Variants in NRXN3 observed in about 807,000 individuals in gnomAD.
NRXN3 encodes the protein neurexin III.
Under a neutral mutation model 137.6 loss-of-function variants are expected in NRXN3, and 32 were observed. The ratio of observed to expected loss-of-function variants is 0.23; its 90% CI spans 0.18 to 0.31. NRXN3 has a LOEUF of 0.31. Ranked by LOEUF, NRXN3 falls within the 10% of genes least tolerant of loss-of-function variation. The pLI is 1.00. For missense variants in NRXN3, 1,574 were observed against 2,062.5 expected, an observed-to-expected ratio of 0.76 and a Z score of 4.59; for synonymous variants, 798 against 784.5, an observed-to-expected ratio of 1.02 and a Z score of -0.29.
intron 10 of NRXN3, among the ~76,000 whole-genome samples, chr14:78,941,435 C>T (rs915998240): frequency 3.9e-5 from 6 of 152,178 alleles, no homozygotes; most frequent in African/African-American, 1.2e-4. Context: ...CACCCAGCCA[C>T]CCCCATTCTC....
At chr14:79,280,561 CT>C in intron 15 of NRXN3, 1 of 1,600,124 alleles carries the variant, frequency 6.2e-7, no homozygotes. Flanking sequence ...GCTCTTTATC[CT>C]TTTAATGGGG....
At chr14:78,590,198 G>A (rs1389877673) in intron 4 of NRXN3, among the ~76,000 whole-genome samples, 1 of 152,140 alleles carries the variant, frequency 6.6e-6, no homozygotes, top group Non-Finnish European at 1.5e-5. Context: ...TTCTCTACAA[G>A]GATTCATGCA....
chr14:78,762,247 A>G (rs1389575488), intron 8 of NRXN3, among the ~76,000 whole-genome samples: 1 of 152,114 alleles, frequency 6.6e-6, no homozygotes, highest in African/African-American at 2.4e-5. Flanking sequence ...AGCACATAAC[A>G]TACCTTTCTG....
At position 78,971,118 on chromosome 14, in the gene NRXN3, C is replaced by T. The variant is rs1049348162; in HGVS notation, c.3142+2772C>T. Among the ~76,000 whole-genome samples the T allele has an allele frequency of 3.3e-5, 5 of 151,980 alleles. No individual in the cohort carries two copies. In the East Asian group the frequency reaches 9.6e-4, roughly 29 times the overall value. ...CTGTGAATAAGCCCTTGCAAGAGAT[C>T]CCAGGAGCATTTTAGGGTTCTGTGT... is the stretch of plus-strand genomic sequence containing the variant. On this transcript the variant is annotated intron_variant, in intron 14 of 20. Transcript: ENST00000335750.
intron 15 of NRXN3, among the ~76,000 whole-genome samples, chr14:79,406,981 A>G (rs2095326121): frequency 6.6e-6 from 1 of 152,126 alleles, no homozygotes; most frequent in Non-Finnish European, 1.5e-5. Context: ...CTTTATTTTA[A>G]CAAAGGGACC....
chr14:78,269,416 A>G (rs1441062613), intron 2 of NRXN3, among the ~76,000 whole-genome samples: 1 of 152,196 alleles, frequency 6.6e-6, no homozygotes, highest in Non-Finnish European at 1.5e-5. Flanking sequence ...TTGAAAGTAC[A>G]TTGGTAGTTT....
In NRXN3 at chr14:78,609,691, A is replaced by G. The variant is rs141515609; in HGVS notation, c.758-35429A>G. Among the ~76,000 whole-genome samples, 902 of 152,332 alleles carry G rather than the reference A, an allele frequency of 5.9e-3. 11 individuals carry two copies. Among genetic ancestry groups the G allele is most frequent in the African/African-American group, 0.021 (860 of 41,564 alleles). On this transcript the variant is annotated intron_variant, in intron 4 of 20. Coordinates refer to ENST00000335750, the MANE Select transcript of NRXN3 (RefSeq NM_001330195.2). ...TCTTGTGAGAATTTAATCAGAAAGT[A>G]CATGTTAAATACTTTTTGGCACCTA...
intron 20 of NRXN3, chr14:79,854,026 C>T (rs1034334211): frequency 2.1e-5 from 21 of 984,002 alleles, no homozygotes; most frequent in Non-Finnish European, 2.4e-5. Flanking sequence ...TTGTTGCCTC[C>T]CTGTATCATC....
At chr14:79,033,794 C>T (rs2099611573) in intron 15 of NRXN3, among the ~76,000 whole-genome samples, 1 of 152,006 alleles carries the variant, frequency 6.6e-6, no homozygotes, top group African/African-American at 2.4e-5. Flanking sequence ...AGGATTATTT[C>T]AGGAGGTTGT....
chr14:79,214,230 C>G (rs1029049692), intron 15 of NRXN3, among the ~76,000 whole-genome samples: 4 of 152,218 alleles, frequency 2.6e-5, no homozygotes, highest in African/African-American at 7.2e-5. Flanking sequence ...GAGGACAATT[C>G]TGTGGTCACC....
intron 15 of NRXN3, among the ~76,000 whole-genome samples, chr14:79,136,729 A>G (rs941339280): frequency 6.6e-6 from 1 of 152,210 alleles, no homozygotes; most frequent in Non-Finnish European, 1.5e-5. Flanking sequence ...AGTCAATCTT[A>G]TGTTCCCCAG....
At chr14:79,723,049 C>T (rs945283407) in intron 19 of NRXN3, among the ~76,000 whole-genome samples, 2 of 152,062 alleles carry the variant, frequency 1.3e-5, no homozygotes, top group African/African-American at 4.8e-5. Context: ...CCACTCCATT[C>T]TATCATATTG....
chr14:79,523,412 A>G (rs1319147528), intron 16 of NRXN3, among the ~76,000 whole-genome samples: 1 of 152,154 alleles, frequency 6.6e-6, no homozygotes, highest in African/African-American at 2.4e-5. Flanking sequence ...TGTTTTGAAG[A>G]TGTTAATTGA....
chr14:79,751,262 A>C (rs1018432900), intron 19 of NRXN3, among the ~76,000 whole-genome samples: 1 of 152,048 alleles, frequency 6.6e-6, no homozygotes, highest in Non-Finnish European at 1.5e-5. Flanking sequence ...AGTGGTTTGT[A>C]GTTCTCCTTG....
chr14:78,690,440 A>T (rs1428084200), intron 6 of NRXN3, among the ~76,000 whole-genome samples: 3 of 152,186 alleles, frequency 2.0e-5, no homozygotes, highest in Non-Finnish European at 4.4e-5. Context: ...CCCTTACATG[A>T]TATCCATATT....
At chr14:78,436,756 C>T (rs1482562380) in intron 4 of NRXN3, among the ~76,000 whole-genome samples, 1 of 152,222 alleles carries the variant, frequency 6.6e-6, no homozygotes, top group Non-Finnish European at 1.5e-5. Flanking sequence ...CTATAACCCC[C>T]TGCTGCCTTT....
rs185260921 is a variant in NRXN3 at position 78,545,880 on chromosome 14, A to T, written c.758-99240A>T. ...TGTTGCTCAACATTACTTTATAAAA[A>T]TTTTTTCATATCAAAAGGCAGTGCT... On this transcript the variant is annotated intron_variant, in intron 4 of 20. Transcript: ENST00000335750. Among the ~76,000 whole-genome samples, 24 of 152,150 alleles carry T rather than the reference A, an allele frequency of 1.6e-4. No homozygotes were observed. In the South Asian group the frequency reaches 2.5e-3, roughly 16 times the overall value.
At chr14:79,590,868 T>G (rs1007001236) in intron 16 of NRXN3, among the ~76,000 whole-genome samples, 4 of 152,226 alleles carry the variant, frequency 2.6e-5, no homozygotes, top group African/African-American at 9.6e-5. Context: ...TTTCTTTTTA[T>G]TGGATTTGAA....
chr14:79,133,519 T>G (rs1426949941), intron 15 of NRXN3, among the ~76,000 whole-genome samples: 3 of 152,172 alleles, frequency 2.0e-5, no homozygotes, highest in Admixed American at 1.3e-4. Context: ...CTACCTGTTA[T>G]CTCTTTGAAG....
Sources: allele counts gnomAD v4.1 joint callset (sites outside exome capture counted in the v4.1 genomes callset), GRCh38; gene constraint gnomAD v4.1.1; transcripts MANE v1.5; gene names NCBI Gene and HGNC (gene_info 2026-07-23, HGNC 2026-07-21).